Variants in NEK11 observed in about 807,000 individuals in gnomAD.
NEK11 encodes the protein serine/threonine-protein kinase Nek11.
In NEK11, 72 loss-of-function variants were observed where a neutral mutation model predicts 80.7. That is an observed-to-expected ratio of 0.89 (90% CI 0.74 to 1.08). The LOEUF is 1.08. Among genes scored for constraint, NEK11 ranks in the 50% least tolerant of loss-of-function variants. The pLI is 0.00. For missense variants in NEK11, 764 were observed against 763.6 expected (o/e 1.00, Z -0.01); for synonymous variants, 251 against 260.7 (o/e 0.96, Z 0.36).
At chr3:131,043,061 G>A (rs1278459144) in intron 3 of NEK11, among the ~76,000 whole-genome samples, 1 of 152,166 alleles carries the variant, frequency 6.6e-6, no homozygotes, top group East Asian at 1.9e-4. Flanking sequence ...GAAAGCAATA[G>A]CATCAACATC....
intron 14 of NEK11, among the ~76,000 whole-genome samples, chr3:131,199,599 T>G (rs114570480): frequency 0.01 from 1,556 of 152,222 alleles, 28 homozygotes; most frequent in African/African-American, 0.035. Flanking sequence ...AATGCTTTTT[T>G]TTTTTAAGTC....
At chr3:131,332,841 G>A (rs916944415) in intron 17 of NEK11, among the ~76,000 whole-genome samples, 1 of 152,206 alleles carries the variant, frequency 6.6e-6, no homozygotes, top group Non-Finnish European at 1.5e-5. Flanking sequence ...AGGAGCCGAT[G>A]CAATCGACTG....
At chr3:131,048,304 T>C (rs2067757128) in intron 3 of NEK11, among the ~76,000 whole-genome samples, 1 of 152,164 alleles carries the variant, frequency 6.6e-6, no homozygotes, top group African/African-American at 2.4e-5. Flanking sequence ...TCCCCCAGGT[T>C]CTGTCCAGGA....
intron 17 of NEK11, among the ~76,000 whole-genome samples, chr3:131,288,457 T>C (rs113556553): frequency 1.5e-5 from 2 of 132,876 alleles, no homozygotes; most frequent in Non-Finnish European, 1.7e-5. Flanking sequence ...TTTCTTTTTT[T>C]TTTTTTTTTT....
At chr3:131,100,767 G>A (rs1463952471) in intron 4 of NEK11, among the ~76,000 whole-genome samples, 1 of 152,164 alleles carries the variant, frequency 6.6e-6, no homozygotes, top group Non-Finnish European at 1.5e-5. Context: ...GAGTGAATTA[G>A]GGAGGAGCCC....
chr3:131,063,711 T>C (rs940083177), intron 3 of NEK11, among the ~76,000 whole-genome samples: 1 of 152,024 alleles, frequency 6.6e-6, no homozygotes, highest in African/African-American at 2.4e-5. Context: ...GACATAAAAG[T>C]AGTATTTGAA....
At chr3:131,058,966 A>T (rs372741079) in intron 3 of NEK11, among the ~76,000 whole-genome samples, 1 of 152,208 alleles carries the variant, frequency 6.6e-6, no homozygotes, top group Non-Finnish European at 1.5e-5. Context: ...CTTTTGAAAA[A>T]ATTAAGTACT....
intron 7 of NEK11, among the ~76,000 whole-genome samples, chr3:131,144,702 T>C (rs2087763348): frequency 6.6e-6 from 1 of 152,202 alleles, no homozygotes; most frequent in South Asian, 2.1e-4. Flanking sequence ...GTAGTTTCTG[T>C]AATCAGATTG....
intron 17 of NEK11, among the ~76,000 whole-genome samples, chr3:131,274,953 G>A (rs866786052): frequency 4.3e-4 from 65 of 151,258 alleles, no homozygotes; most frequent in Admixed American, 5.9e-4. Flanking sequence ...GCGCCCGGCC[G>A]TTTCCTGACT....
intron 17 of NEK11, among the ~76,000 whole-genome samples, chr3:131,287,127 A>AGG (rs1442561941): frequency 6.6e-6 from 1 of 152,228 alleles, no homozygotes; most frequent in Non-Finnish European, 1.5e-5. Flanking sequence ...GTAATCTCAT[A>AGG]GGAGCAGGCA....
intron 5 of NEK11, among the ~76,000 whole-genome samples, chr3:131,125,718 T>C (rs988073893): frequency 5.3e-5 from 8 of 152,192 alleles, no homozygotes; most frequent in Admixed American, 2.0e-4. Flanking sequence ...GTTTTTTGGA[T>C]TAATGAATGA....
chr3:131,143,604 C>T (rs2087458968), intron 7 of NEK11, among the ~76,000 whole-genome samples: 1 of 151,918 alleles, frequency 6.6e-6, no homozygotes, highest in African/African-American at 2.4e-5. Flanking sequence ...CCCAAATGCT[C>T]GGAATCAGCA....
intron 17 of NEK11, among the ~76,000 whole-genome samples, chr3:131,302,282 G>A (rs1456471180): frequency 6.6e-6 from 1 of 151,798 alleles, no homozygotes; most frequent in African/African-American, 2.4e-5. Flanking sequence ...TGGTGTATCA[G>A]TCTTATTTAC....
rs2097170333 is a variant in NEK11 at position 131,335,695 on chromosome 3, A to G, written c.1719-13862A>G. ...GTCAAATTGTCCCTGTTTGCAGATGACATGATTGTATATCTAGAAAACCCC... is the reference window on the plus strand; with the variant it reads ...GTCAAATTGTCCCTGTTTGCAGATGGCATGATTGTATATCTAGAAAACCCC... On this transcript the variant is annotated intron_variant, in intron 17 of 17. Coordinates refer to ENST00000383366, the MANE Select transcript of NEK11 (RefSeq NM_024800.5). Among the ~76,000 whole-genome samples the G allele has an allele frequency of 3.3e-5, 5 of 152,206 alleles. No individual in the cohort carries two copies. The East Asian group carries it at 9.6e-4, about 29-fold the overall frequency.
chr3:131,205,042 A>G (rs779373002), intron 14 of NEK11, among the ~76,000 whole-genome samples: 1 of 152,162 alleles, frequency 6.6e-6, no homozygotes, highest in Non-Finnish European at 1.5e-5. Context: ...AGTCCAGATC[A>G]GGAGGCCAAG....
intron 3 of NEK11, among the ~76,000 whole-genome samples, chr3:131,062,750 T>C (rs1225167967): frequency 2.0e-5 from 3 of 152,184 alleles, no homozygotes; most frequent in Non-Finnish European, 2.9e-5. Context: ...ATTAAACAAG[T>C]CGTGGTGCTA....
At chr3:131,248,944 C>T (rs1205562782) in intron 16 of NEK11, among the ~76,000 whole-genome samples, 1 of 151,668 alleles carries the variant, frequency 6.6e-6, no homozygotes, top group African/African-American at 2.4e-5. Context: ...AGATAGATTC[C>T]ACTGCTAAAA....
At chr3:131,237,190 A>G (rs948868258) in intron 15 of NEK11, among the ~76,000 whole-genome samples, 1 of 152,058 alleles carries the variant, frequency 6.6e-6, no homozygotes, top group South Asian at 2.1e-4. Flanking sequence ...AAAATTTTAA[A>G]ATAGCTGAGC....
chr3:131,259,102 C>T (rs895966110), intron 16 of NEK11, among the ~76,000 whole-genome samples: 4 of 152,128 alleles, frequency 2.6e-5, no homozygotes, highest in African/African-American at 9.7e-5. Context: ...CCAAACATCA[C>T]AGAATCAAGA....
Sources: gnomAD v4.1 joint callset for allele counts (sites outside exome capture counted in the v4.1 genomes callset) on GRCh38, gnomAD v4.1.1 for gene constraint, MANE v1.5 for transcripts, NCBI Gene and HGNC (gene_info 2026-07-23, HGNC 2026-07-21) for gene names.